MEN1: variants seen among roughly 807,000 people sequenced by gnomAD.
MEN1 encodes menin 1.
In MEN1, 6 loss-of-function variants were observed where a neutral mutation model predicts 58.0. That is an observed-to-expected ratio of 0.10 (90% CI 0.06 to 0.20). The LOEUF is 0.20. MEN1 is among the 10% of genes least tolerant of loss of function. MEN1 has a pLI of 1.00. For synonymous variants in MEN1, 346 were observed against 350.7 expected (o/e 0.99, Z 0.15); for missense variants, 492 against 818.5 (o/e 0.60, Z 4.87).
chr11:64,810,157 G>T, intron 1 of MEN1, 25 bp from the exon 2 acceptor site: 1 of 1,262,004 alleles, frequency 7.9e-7, no homozygotes, highest in Non-Finnish European at 1.1e-6. Context: ...GGGGGAGGGA[G>T]GGTCGGGCAG....
Position 64,809,813 on chromosome 11 carries a change from G to A in MEN1, c.297C>T (p.Gly99=), listed in dbSNP as rs1941992347. ...LYARFTAQIR[G]AVDLSLYPRE... is the part of the protein sequence containing the mutation. ...GAGGATAGAGGGACAGGTCGACGGC[G>A]CCTCGGATCTGGGCGGTGAAGCGGG... Residue 99 remains glycine (G), a synonymous_variant, in exon 2 of 10, where the codon GGC becomes GGT. Coordinates refer to ENST00000450708, the MANE Select transcript of MEN1 (RefSeq NM_001370259.2). The A allele has an allele frequency of 6.2e-7, 1 of 1,613,848 alleles. No individual in the cohort carries two copies.
At chr11:64,805,880 G>T in intron 7 of MEN1, 110 bp from the exon 8 acceptor site, 3 of 1,089,750 alleles carry the variant, frequency 2.8e-6, no homozygotes, top group Non-Finnish European at 4.2e-6. Flanking sequence ...AGTAGGTGGG[G>T]TCCTCACTGC....
Position 64,804,937 on chromosome 11 carries a change from G to A in MEN1, c.1350+97C>T. ...TCTCAGTCCCATCGGCACCCAAGGG[G>A]ATGGGCAGATGCTGCCCCTGGGCCA... On this transcript the variant is annotated intron_variant, in intron 9 of 9. Coordinates refer to ENST00000450708, the MANE Select transcript of MEN1 (RefSeq NM_001370259.2). The surrounding 1 kb of genome is among the most constrained non-coding windows in gnomAD (Gnocchi z 4.2). 1 of 1,597,688 alleles carries A rather than the reference G, an allele frequency of 6.3e-7. No homozygotes were observed. Among genetic ancestry groups the A allele is most frequent in the Admixed American group, 1.7e-5 (1 of 60,020 alleles).
intron 1 of MEN1, 159 bp from the exon 2 acceptor site, chr11:64,810,291 A>G (rs1324345307): frequency 1.6e-6 from 1 of 610,422 alleles, no homozygotes; most frequent in Non-Finnish European, 2.9e-6. Context: ...TTTGTCGGTG[A>G]GACCCCTCAG....
rs774296730 is a variant in MEN1, at chr11:64,804,661, C to G, written c.1506G>C (p.Lys502Asn). The G allele has an allele frequency of 1.4e-5, 23 of 1,599,226 alleles. No homozygotes were observed. In the African/African-American group the frequency reaches 2.9e-4, roughly 21 times the overall value. The change falls in exon 10 of 10, where the codon AAG (lysine) becomes AAC (asparagine). Residue 502 changes from lysine to asparagine, a missense_variant. Coordinates refer to ENST00000450708, the MANE Select transcript of MEN1 (RefSeq NM_001370259.2). The surrounding 1 kb of genome is among the most constrained non-coding windows in gnomAD (Gnocchi z 4.2). ...PPPPKKPALD[K>N]GLGTGQGAVS... ...CTGCACCCTGGCCGGTGCCCAGGCC[C>G]TTGTCCAGTGCTGGCTTCTTGGGCG...
At chr11:64,805,841 C>A in intron 7 of MEN1, 71 bp from the exon 8 acceptor site, 1 of 1,562,678 alleles carries the variant, frequency 6.4e-7, no homozygotes, top group Non-Finnish European at 8.8e-7. Context: ...AGGGACCTGG[C>A]GGGGGATGGA....
chr11:64,806,420 G>A, intron 6 of MEN1, 52 bp from the exon 7 acceptor site: 2 of 1,611,092 alleles, frequency 1.2e-6, no homozygotes, highest in Non-Finnish European at 1.7e-6. Flanking sequence ...CAGCTGCCCT[G>A]CTGGCACAAA....
intron 2 of MEN1, among the ~76,000 whole-genome samples, chr11:64,809,415 G>A (rs534367074): frequency 6.6e-6 from 1 of 152,254 alleles, no homozygotes; most frequent in African/African-American, 2.4e-5. Flanking sequence ...AAGGGTGGGG[G>A]TGCTGAGGGG....
intron 6 of MEN1, 80 bp downstream of exon 6, chr11:64,806,926 GTTCTC>G (rs1371786359): frequency 4.9e-6 from 6 of 1,230,890 alleles, no homozygotes; most frequent in African/African-American, 4.5e-5. Context: ...AACACACAAA[GTTCTC>G]TTCTCATCTG....
rs1303053053 is a variant in MEN1 at position 64,803,671 on chromosome 11, A to AG, written c.*662dup. 4.3e-6 allele frequency: 1 copy of AG among 235,222 alleles called. No homozygotes were observed. The highest frequency in any genetic ancestry group is 8.4e-6 in the Non-Finnish European group (1 of 119,324). 14.6% of individuals were successfully genotyped at this position (235,222 alleles called of 1,614,324 possible). ...GGCTGGACCTCTGGGAGGTTCCCAG[A>AG]GGGTCGGAAGGGAGGTCCTGCTCTG... On this transcript the variant is annotated 3_prime_UTR_variant, in exon 10 of 10. Transcript: ENST00000450708.
Position 64,809,920 on chromosome 11 carries a change from G to A in MEN1, c.190C>T (p.Gln64Ter), listed in dbSNP as rs1592659770. Reference sequence around the variant, plus strand: ...GGCGGGTCGGGGGCGGGGCTGGGCTGGAAGGTGAGCTCGGGAACGTTGGTA... The same window carrying A: ...GGCGGGTCGGGGGCGGGGCTGGGCTAGAAGGTGAGCTCGGGAACGTTGGTA... Reference protein sequence around the residue: ...IPTNVPELTFQPSPAPDPPGG... With the variant: ...IPTNVPELTF Residue 64 changes from glutamine to a stop codon, truncating the protein, a stop_gained, in exon 2 of 10, where the codon CAG becomes TAG. Transcript: ENST00000450708. LOFTEE classifies it high-confidence loss of function. The A allele has an allele frequency of 6.3e-7, 1 of 1,586,336 alleles. No homozygotes were observed. The highest frequency in any genetic ancestry group is 1.8e-5 in the Admixed American group (1 of 54,560).
Position 64,807,120 on chromosome 11 carries a change from G to C in MEN1, c.825-22C>G, listed in dbSNP as rs1941785022. 6.2e-7 allele frequency: 1 copy of C among 1,613,994 alleles called. No individual in the cohort carries two copies. The highest frequency in any genetic ancestry group is 1.7e-5 in the Admixed American group (1 of 59,988). On this transcript the variant is annotated intron_variant, in intron 5 of 9. Coordinates refer to ENST00000450708, the MANE Select transcript of MEN1 (RefSeq NM_001370259.2). The surrounding 1 kb of genome is among the most constrained non-coding windows in gnomAD (Gnocchi z 4.9). ...GTACCTAGGAAAGGATCATAATTCA[G>C]GCTGCCACCCAGCCCCCCGGCCTCA... is the stretch of plus-strand genomic sequence containing the variant.
chr11:64,809,263 CAAAAAAA>C (rs11404218), intron 2 of MEN1, among the ~76,000 whole-genome samples: 1 of 116,058 alleles, frequency 8.6e-6, no homozygotes, highest in African/African-American at 3.5e-5. Context: ...GACCCTGTCT[CAAAAAAA>C]AAAAAAAAAA....
At chr11:64,809,001 AC>A (rs1941933828) in intron 2 of MEN1, among the ~76,000 whole-genome samples, 1 of 146,234 alleles carries the variant, frequency 6.8e-6, no homozygotes, top group Non-Finnish European at 1.5e-5. Flanking sequence ...GGTGGCTCAC[AC>A]CTGTAATCCC....
chr11:64,807,866 C>T lies in MEN1; in HGVS notation c.654+25G>A, dbSNP rs1941844962. ...TTGGGCTACTACAGTATGAAGGGGA[C>T]AAGGCTGGGGGGAGGGAACAATACC... On this transcript the variant is annotated intron_variant, in intron 3 of 9. Transcript: ENST00000450708. The surrounding 1 kb of genome is among the most constrained non-coding windows in gnomAD (Gnocchi z 4.9). The T allele has an allele frequency of 6.2e-7, 1 of 1,613,590 alleles. No individual in the cohort carries two copies. Among genetic ancestry groups the T allele is most frequent in the South Asian group, 1.1e-5 (1 of 91,058 alleles).
intron 7 of MEN1, 186 bp from the exon 8 acceptor site, chr11:64,805,956 A>G: frequency 1.5e-6 from 1 of 683,772 alleles, no homozygotes; most frequent in East Asian, 2.6e-5. Context: ...CATGGGGCCG[A>G]GGGTGGAAGT....
chr11:64,809,594 G>A (rs1357289394), intron 2 of MEN1, 71 bp downstream of exon 2: 2 of 1,569,342 alleles, frequency 1.3e-6, no homozygotes, highest in Non-Finnish European at 1.7e-6. Flanking sequence ...GTTCTTAAAA[G>A]GGTTCTGTAA....
intron 7 of MEN1, 171 bp from the exon 8 acceptor site, chr11:64,805,941 G>C (rs573029921): frequency 1.1e-5 from 8 of 723,680 alleles, no homozygotes; most frequent in Middle Eastern, 3.6e-4. Flanking sequence ...GAATGAGGAG[G>C]GGGGCATGGG....
chr11:64,804,722 C>G lies in MEN1; in HGVS notation c.1445G>C (p.Gly482Ala). Residue 482 changes from glycine to alanine, a missense_variant, in exon 10 of 10, where the codon GGC becomes GCC. By Grantham distance (60) the Gly-to-Ala change is moderately conservative (BLOSUM62 0). Transcript: ENST00000450708. This position sits in a 1 kb window ranked among gnomAD's most constrained non-coding sequence, Gnocchi z 4.2. Reference protein sequence around the residue: ...GEEAREGRRRGPRRESKPEEP... With the variant: ...GEEAREGRRRAPRRESKPEEP... ...CTCTGGCTTGGACTCCCGCCGTGGG[C>G]CCCGCCGCCGGCCTTCCCGGGCTTC... The G allele has an allele frequency of 6.3e-7, 1 of 1,596,546 alleles. No individual in the cohort carries two copies. The highest frequency in any genetic ancestry group is 2.2e-5 in the East Asian group (1 of 44,808).
Sources: allele counts gnomAD v4.1 joint callset (sites outside exome capture counted in the v4.1 genomes callset), GRCh38; gene constraint gnomAD v4.1.1; non-coding constraint Gnocchi (gnomAD v3.1); transcripts MANE v1.5; gene names NCBI Gene and HGNC (gene_info 2026-07-23, HGNC 2026-07-21).